The following KCNJ5 variants were observed in gnomAD, a reference collection of about 807,000 sequenced individuals.
KCNJ5 encodes the protein potassium inwardly rectifying channel subfamily J member 5, also known as G protein-activated inward rectifier potassium channel 4.
KCNJ5 carries 12 observed loss-of-function variants against 20.2 expected under a neutral mutation model. The ratio of observed to expected loss-of-function variants is 0.59; its 90% CI spans 0.38 to 0.96. The LOEUF is 0.96. Among genes scored for constraint, KCNJ5 ranks in the 40% least tolerant of loss-of-function variants. The probability of loss-of-function intolerance (pLI) is 0.00; values close to 1 mark genes in which losing one functional copy is unlikely to be tolerated. For synonymous variants in KCNJ5, 210 were observed against 213.9 expected (o/e 0.98, Z 0.16); for missense variants, 449 against 557.6 (o/e 0.81, Z 1.96).
Position 128,912,138 on chromosome 11 carries a change from A to G in KCNJ5, c.865A>G (p.Met289Val). The change falls in exon 2 of 3, where the codon ATG (methionine) becomes GTG (valine). Residue 289 changes from methionine (M) to valine (V), a missense_variant. Met to Val is a conservative substitution (Grantham distance 21). Coordinates refer to ENST00000529694, the MANE Select transcript of KCNJ5 (RefSeq NM_000890.5). ...EINQKSPFWE[M>V]SQAQLHQEEF... ...CAACCAGAAGAGCCCTTTCTGGGAGATGTCTCAGGCTCAGCTGCATCAGGA... is the reference window on the plus strand; with the variant it reads ...CAACCAGAAGAGCCCTTTCTGGGAGGTGTCTCAGGCTCAGCTGCATCAGGA... 1 of 1,612,410 alleles carries G rather than the reference A, an allele frequency of 6.2e-7. No individual in the cohort carries two copies. Among genetic ancestry groups the G allele is most frequent in the Non-Finnish European group, 8.5e-7 (1 of 1,179,988 alleles).
rs775915273 is a variant in KCNJ5 at position 128,911,932 on chromosome 11, G to A, written c.659G>A (p.Arg220Gln). ...GACGAGAAGCTGTGCCTCATGTTCC[G>A]GGTGGGCGACCTCCGCAACTCCCAC... ...MRDEKLCLMFRVGDLRNSHIV... is the reference protein window; with the variant it reads ...MRDEKLCLMFQVGDLRNSHIV... The change falls in exon 2 of 3, where the codon CGG (arginine) becomes CAG (glutamine). Residue 220 changes from arginine (R) to glutamine (Q), a missense_variant. Coordinates refer to ENST00000529694, the MANE Select transcript of KCNJ5 (RefSeq NM_000890.5). The surrounding 1 kb of genome is among the most constrained non-coding windows in gnomAD (Gnocchi z 6.3). 13 of 1,600,566 alleles carry A rather than the reference G, an allele frequency of 8.1e-6. No homozygotes were observed. Among genetic ancestry groups the A allele is most frequent in the South Asian group, 3.4e-5 (3 of 89,330 alleles).
chr11:128,903,839 G>A (rs939201060), intron 1 of KCNJ5, among the ~76,000 whole-genome samples: 4 of 152,112 alleles, frequency 2.6e-5, no homozygotes, highest in Admixed American at 6.5e-5. Flanking sequence ...CCGAGCTGCC[G>A]GGCAGCTTGT....
Position 128,911,616 on chromosome 11 carries a change from C to G in KCNJ5, c.343C>G (p.Arg115Gly). ...CATTTGGTGGCTCATTGCTTATATC[C>G]GGGGTGACCTGGACCATGTTGGCGA... ...GFIWWLIAYI[R>G]GDLDHVGDQE... The change falls in exon 2 of 3, where the codon CGG becomes GGG. Residue 115 changes from arginine to glycine, a missense_variant. Arg to Gly is a moderately radical substitution (Grantham distance 125). Coordinates refer to ENST00000529694, the MANE Select transcript of KCNJ5 (RefSeq NM_000890.5). This position sits in a 1 kb window ranked among gnomAD's most constrained non-coding sequence, Gnocchi z 6.3. The G allele has an allele frequency of 6.2e-7, 1 of 1,614,194 alleles. No homozygotes were observed. Among genetic ancestry groups the G allele is most frequent in the Non-Finnish European group, 8.5e-7 (1 of 1,180,018 alleles).
At chr11:128,910,446 G>A (rs543350645) in intron 1 of KCNJ5, among the ~76,000 whole-genome samples, 5 of 152,266 alleles carry the variant, frequency 3.3e-5, no homozygotes, top group Admixed American at 6.5e-5. Flanking sequence ...ACACTCAGAC[G>A]GTAGGGGTGA....
rs1030009525 is a variant in KCNJ5, at chr11:128,921,126, G to C, written c.*4395G>C. ...CAAAAGAACACCACTGCACTGCACTGCTAAAAATTCACACAATAAAATGGA... is the reference window on the plus strand; with the variant it reads ...CAAAAGAACACCACTGCACTGCACTCCTAAAAATTCACACAATAAAATGGA... On this transcript the variant is annotated 3_prime_UTR_variant, in exon 3 of 3. Transcript: ENST00000529694. The C allele has an allele frequency of 4.6e-5, 7 of 152,214 alleles. No individual in the cohort carries two copies. Among genetic ancestry groups the C allele is most frequent in the African/African-American group, 1.7e-4 (7 of 41,446 alleles). 9.4% of individuals were successfully genotyped at this position (152,214 alleles called of 1,614,324 possible).
intron 1 of KCNJ5, among the ~76,000 whole-genome samples, chr11:128,896,644 G>A (rs1214010879): frequency 6.6e-6 from 1 of 151,178 alleles, no homozygotes; most frequent in Non-Finnish European, 1.5e-5. Flanking sequence ...TTTTTTTATT[G>A]CTGAGTAGCG....
At chr11:128,905,514 C>T (rs1944391246) in intron 1 of KCNJ5, 1 of 152,306 alleles carries the variant, frequency 6.6e-6, no homozygotes, top group Non-Finnish European at 1.5e-5. Flanking sequence ...CCCAGGCTCC[C>T]CTCCCCTGTC....
Position 128,911,469 on chromosome 11 carries a change from A to G in KCNJ5, c.196A>G (p.Asn66Asp), listed in dbSNP as rs762464085. The change falls in exon 2 of 3, where the codon AAC (asparagine) becomes GAC (aspartate). Residue 66 changes from asparagine (N) to aspartate (D), a missense_variant. Asn to Asp is a conservative substitution (Grantham distance 23). Coordinates refer to ENST00000529694, the MANE Select transcript of KCNJ5 (RefSeq NM_000890.5). The surrounding 1 kb of genome is among the most constrained non-coding windows in gnomAD (Gnocchi z 6.3). ...TGGCAAGTGCAACGTGCACCACGGCAACGTCCAGGAGACCTACCGGTACCT... is the reference window on the plus strand; with the variant it reads ...TGGCAAGTGCAACGTGCACCACGGCGACGTCCAGGAGACCTACCGGTACCT... ...KSGKCNVHHG[N>D]VQETYRYLSD... 6.2e-7 allele frequency: 1 copy of G among 1,614,246 alleles called. No individual in the cohort carries two copies.
chr11:128,916,399 G>A lies in KCNJ5; in HGVS notation c.938-10G>A, dbSNP rs4937391. On this transcript the variant is annotated splice_polypyrimidine_tract_variant and intron_variant, in intron 2 of 2. Transcript: ENST00000529694. The stretch of plus-strand genomic sequence containing the variant: ...TTGCATCATAATGCATGTAACTTCC[G>A]TTTCCCCAGGCATGACCTGCCAAGC... 1,165,593 of 1,608,824 alleles carry A rather than the reference G, an allele frequency of 0.72. 423,607 individuals are homozygous for A. The highest frequency in any genetic ancestry group is 0.81 in the Middle Eastern group (4,881 of 6,056).
intron 1 of KCNJ5, chr11:128,902,626 A>T: frequency 6.2e-7 from 1 of 1,613,944 alleles, no homozygotes; most frequent in Non-Finnish European, 8.5e-7. Context: ...CTCTACTATC[A>T]TGGGCCTTGC....
At position 128,916,899 on chromosome 11, in the gene KCNJ5, G is replaced by A. The variant is rs1944593072; in HGVS notation, c.*168G>A. On this transcript the variant is annotated 3_prime_UTR_variant, in exon 3 of 3. Transcript: ENST00000529694. Reference sequence around the variant, plus strand: ...CCAGCCCTCACAGCTCCCAGCACAGGGCCTCCCTGAGCCAGTGGCATCCTG... The same window carrying A: ...CCAGCCCTCACAGCTCCCAGCACAGAGCCTCCCTGAGCCAGTGGCATCCTG... 1.6e-6 allele frequency: 1 copy of A among 613,342 alleles called. No homozygotes were observed. The highest frequency in any genetic ancestry group is 1.9e-5 in the African/African-American group (1 of 54,052). 38.0% of individuals were successfully genotyped at this position (613,342 alleles called of 1,614,324 possible).
intron 1 of KCNJ5, chr11:128,903,590 C>G: frequency 6.6e-7 from 1 of 1,510,454 alleles, no homozygotes; most frequent in East Asian, 2.3e-5. Flanking sequence ...GTTTCTACTG[C>G]GGGGGCCGTT....
chr11:128,903,600 T>C, intron 1 of KCNJ5: 4 of 1,432,784 alleles, frequency 2.8e-6, no homozygotes, highest in Non-Finnish European at 3.9e-6. Flanking sequence ...CGGGGGCCGT[T>C]GTCCAAGCAG....
chr11:128,893,405 TG>T (rs1944123834), intron 1 of KCNJ5, among the ~76,000 whole-genome samples: 1 of 150,632 alleles, frequency 6.6e-6, no homozygotes, highest in African/African-American at 2.4e-5. Context: ...CAAGACCAAC[TG>T]GGGCAACATA....
Position 128,918,730 on chromosome 11 carries a change from G to A in KCNJ5, c.*1999G>A, listed in dbSNP as rs1944626208. On this transcript the variant is annotated 3_prime_UTR_variant, in exon 3 of 3. Coordinates refer to ENST00000529694, the MANE Select transcript of KCNJ5 (RefSeq NM_000890.5). The stretch of plus-strand genomic sequence containing the variant: ...AGGCCTGGGGCTGAAAGGAAGAGGG[G>A]TGGGGCAGCCTGGGACGGGAACTGC... 1 of 152,342 alleles carries A rather than the reference G, an allele frequency of 6.6e-6. No individual in the cohort carries two copies. The highest frequency in any genetic ancestry group is 2.4e-5 in the African/African-American group (1 of 41,456). The allele number at this position is 152,342 out of a possible 1,614,324, so 9.4% of individuals were successfully genotyped here. A position where few individuals can be genotyped will look rare whatever the true frequency, so the allele number is the denominator to read the frequency against.
intron 2 of KCNJ5, among the ~76,000 whole-genome samples, 158 bp from the exon 3 acceptor site, chr11:128,916,251 T>C (rs1591453745): frequency 6.7e-6 from 1 of 150,024 alleles, no homozygotes; most frequent in East Asian, 2.0e-4. Flanking sequence ...ATTAGATGGA[T>C]GGATGGATGG....
At chr11:128,915,359 C>T (rs1209641282) in intron 2 of KCNJ5, among the ~76,000 whole-genome samples, 1 of 152,166 alleles carries the variant, frequency 6.6e-6, no homozygotes, top group Non-Finnish European at 1.5e-5. Flanking sequence ...TGTGCGTCTG[C>T]TCCTCTTCCT....
intron 1 of KCNJ5, among the ~76,000 whole-genome samples, chr11:128,898,242 G>T (rs769706884): frequency 2.2e-4 from 34 of 152,220 alleles, no homozygotes; most frequent in Non-Finnish European, 4.0e-4. Flanking sequence ...TGAATTCAGA[G>T]AGAATCAACG....
rs116798693 is a variant in KCNJ5, at chr11:128,908,597, C to T, written c.-10-2667C>T. Among the ~76,000 whole-genome samples, 1,220 of 152,320 alleles carry T rather than the reference C, an allele frequency of 8.0e-3. 15 individuals carry two copies. The highest frequency in any genetic ancestry group is 0.027 in the African/African-American group (1,138 of 41,566). On this transcript the variant is annotated intron_variant, in intron 1 of 2. Transcript: ENST00000529694. ...AGAAAACATTTTCCCGTTTCTAGTACGGCACAAAGCCTTCGCCTACAAGAA... is the reference window on the plus strand; with the variant it reads ...AGAAAACATTTTCCCGTTTCTAGTATGGCACAAAGCCTTCGCCTACAAGAA...
Sources: allele counts gnomAD v4.1 joint callset (sites outside exome capture counted in the v4.1 genomes callset), GRCh38; gene constraint gnomAD v4.1.1; non-coding constraint Gnocchi (gnomAD v3.1); transcripts MANE v1.5; gene names NCBI Gene and HGNC (gene_info 2026-07-23, HGNC 2026-07-21).